The following H2BC18 variants were observed in gnomAD, a reference collection of about 807,000 sequenced individuals.
H2BC18 encodes H2B clustered histone 18.
Under a neutral mutation model 6.3 loss-of-function variants are expected in H2BC18, and 8 were observed. That is an observed-to-expected ratio of 1.28 (90% CI 0.75 to 2.31). The LOEUF is 2.31. Among genes scored for constraint, H2BC18 ranks in the 30% most tolerant of loss-of-function variants. The pLI, the probability that H2BC18 is intolerant of heterozygous loss-of-function variation, is 0.00. For synonymous variants in H2BC18, 104 were observed against 78.1 expected, an observed-to-expected ratio of 1.33 and a Z score of -1.75; for missense variants, 106 against 174.5, an observed-to-expected ratio of 0.61 and a Z score of 2.21.
At position 149,812,303 on chromosome 1, in the gene H2BC18, G is replaced by T. The variant is rs782204185; in HGVS notation, c.21C>A (p.Ser7=). 3.7e-6 allele frequency: 6 copies of T among 1,614,184 alleles called. No individual in the cohort carries two copies. The Admixed American group carries it at 5.0e-5, about 13-fold the overall frequency. The change falls in exon 1 of 1, where the codon TCC becomes TCA. Residue 7 remains serine, a synonymous_variant. Coordinates refer to ENST00000369167, the MANE Select transcript of H2BC18 (RefSeq NM_001024599.5). MPDPAK[S]APAPKKGSKK... is the part of the protein sequence containing the mutation. The stretch of plus-strand genomic sequence containing the variant: ...TGGAGCCCTTCTTGGGAGCAGGAGC[G>T]GATTTCGCTGGATCCGGCATTTTTG...
In H2BC18 at chr1:149,812,207, G is replaced by T; in HGVS notation, c.117C>A (p.Ser39=). Residue 39 remains serine (S), a synonymous_variant, in exon 1 of 1, where the codon TCC becomes TCA. Coordinates refer to ENST00000369167, the MANE Select transcript of H2BC18 (RefSeq NM_001024599.5). ...GCTTCAGCACCTTGTACACGTAAAC[G>T]GAGTAGCTCTCCTTGCGGCTGCGCT... is the stretch of plus-strand genomic sequence containing the variant. ...KRKRSRKESY[S]VYVYKVLKQV... 1 of 1,614,272 alleles carries T rather than the reference G, an allele frequency of 6.2e-7. No individual in the cohort carries two copies. Among genetic ancestry groups the T allele is most frequent in the Non-Finnish European group, 8.5e-7 (1 of 1,180,054 alleles).
At chr1:149,790,013 G>A (rs782116006) in intron 1 of H2BC18, 3 of 1,611,882 alleles carry the variant, frequency 1.9e-6, no homozygotes, top group Admixed American at 1.7e-5. Flanking sequence ...GGACCTGGAT[G>A]CTAAACAGGC....
chr1:149,792,328 C>T, intron 1 of H2BC18: 1 of 307,346 alleles, frequency 3.3e-6, no homozygotes, highest in South Asian at 4.0e-5. Context: ...ATCTTGCCTC[C>T]AGAGATTTGC....
chr1:149,793,892 T>A (rs2091769071), intron 1 of H2BC18: 1 of 1,286,096 alleles, frequency 7.8e-7, no homozygotes. Flanking sequence ...AAGAGTTGGG[T>A]CCATTCTGGA....
downstream of H2BC18, chr1:149,811,014 C>T (rs1271998945): frequency 1.3e-5 from 2 of 152,134 alleles, no homozygotes; most frequent in Admixed American, 6.5e-5. Flanking sequence ...GGAGAAGGAC[C>T]TGTAAACAGC....
chr1:149,809,646 C>T (rs1457479737), downstream of H2BC18, among the ~76,000 whole-genome samples: 1 of 141,906 alleles, frequency 7.0e-6, no homozygotes, highest in African/African-American at 2.9e-5. Context: ...AGAAGACAGA[C>T]AAGAAAATGT....
At chr1:149,785,418 T>TG (rs1171062440) in intron 1 of H2BC18, among the ~76,000 whole-genome samples, 2 of 134,084 alleles carry the variant, frequency 1.5e-5, no homozygotes, top group African/African-American at 5.5e-5. Flanking sequence ...GTTTTTTTTT[T>TG]TTTTTTTTTT....
At chr1:149,797,787 AG>A (rs145705495) in intron 1 of H2BC18, among the ~76,000 whole-genome samples, 8,069 of 152,268 alleles carry the variant, frequency 0.053, 301 homozygotes, top group Non-Finnish European at 0.081. Flanking sequence ...TTGGAGACAC[AG>A]GGTCCTGCCA....
At chr1:149,791,108 T>C in intron 1 of H2BC18, 1 of 1,211,990 alleles carries the variant, frequency 8.3e-7, no homozygotes, top group Non-Finnish European at 1.1e-6. Flanking sequence ...TCCTGCTCCC[T>C]GAAATGACCA....
chr1:149,799,955 T>G (rs2091847762), intron 1 of H2BC18, among the ~76,000 whole-genome samples: 1 of 152,080 alleles, frequency 6.6e-6, no homozygotes, highest in South Asian at 2.1e-4. Context: ...ATTCAATTTT[T>G]ACACTATTTA....
At chr1:149,790,931 G>A (rs1477707829) in intron 1 of H2BC18, among the ~76,000 whole-genome samples, 1 of 151,956 alleles carries the variant, frequency 6.6e-6, no homozygotes, top group Non-Finnish European at 1.5e-5. Context: ...GGGGAAAAAA[G>A]TTCATCTTCA....
rs201414313 is a variant in H2BC18 at position 149,812,081 on chromosome 1, C to T, written c.243G>A (p.Leu81=). 48 of 1,614,158 alleles carry T rather than the reference C, an allele frequency of 3.0e-5. No individual in the cohort carries two copies. The highest frequency in any genetic ancestry group is 3.9e-5 in the Non-Finnish European group (46 of 1,180,064). The part of the protein sequence containing the change: ...FERIAGEASR[L]AHYNKRSTIT... ...TGGTGGAGCGCTTGTTGTAGTGCGC[C>T]AGGCGGGACGCCTCTCCCGCGATGC... Residue 81 remains leucine (L), a synonymous_variant, in exon 1 of 1, where the codon CTG becomes CTA. Coordinates refer to ENST00000369167, the MANE Select transcript of H2BC18 (RefSeq NM_001024599.5).
intron 1 of H2BC18, among the ~76,000 whole-genome samples, chr1:149,800,783 G>C (rs2091859407): frequency 6.6e-6 from 1 of 150,446 alleles, no homozygotes; most frequent in Non-Finnish European, 1.5e-5. Flanking sequence ...CTCACTGCTG[G>C]GGTCAAAGAT....
chr1:149,792,701 G>C (rs1362115922), intron 1 of H2BC18: 6 of 1,282,870 alleles, frequency 4.7e-6, no homozygotes, highest in Non-Finnish European at 6.1e-6. Context: ...TGCGGCGAAA[G>C]CTGTTGGGCG....
downstream of H2BC18, chr1:149,810,338 T>C (rs1214625407): frequency 2.0e-5 from 3 of 152,064 alleles, no homozygotes; most frequent in African/African-American, 7.3e-5. Context: ...TGACCTCTTG[T>C]CTGGTGATCA....
chr1:149,805,296 T>G (rs2091907561), intron 1 of H2BC18: 1 of 152,192 alleles, frequency 6.6e-6, no homozygotes, highest in South Asian at 2.1e-4. Context: ...ATTTCTCTTA[T>G]TTGGGTCTTA....
chr1:149,806,952 T>A (rs1571419358), downstream of H2BC18, among the ~76,000 whole-genome samples: 2 of 151,462 alleles, frequency 1.3e-5, no homozygotes, highest in African/African-American at 2.4e-5. Flanking sequence ...TGAGGAGGAG[T>A]ATGGGAATGA....
chr1:149,793,016 C>G, intron 1 of H2BC18: 2 of 1,266,620 alleles, frequency 1.6e-6, no homozygotes, highest in South Asian at 2.5e-5. Context: ...TCCCTCCAAC[C>G]CCGCCCCGGG....
chr1:149,792,805 G>A, intron 1 of H2BC18: 1 of 1,279,820 alleles, frequency 7.8e-7, no homozygotes, highest in Non-Finnish European at 1.0e-6. Context: ...AGCTGTAGGA[G>A]TCGGTGGGCA....
Sources: gnomAD v4.1 joint callset for allele counts (sites outside exome capture counted in the v4.1 genomes callset) on GRCh38, gnomAD v4.1.1 for gene constraint, MANE v1.5 for transcripts, NCBI Gene and HGNC (gene_info 2026-07-23, HGNC 2026-07-21) for gene names.